The following MTMR3 variants were observed in gnomAD, a reference collection of about 807,000 sequenced individuals.
MTMR3 encodes phosphatidylinositol-3,5-bisphosphate 3-phosphatase MTMR3.
Under a neutral mutation model 132.4 loss-of-function variants are expected in MTMR3, and 32 were observed. The observed-to-expected ratio is 0.24, with a 90% CI of 0.18 to 0.32. MTMR3 has a LOEUF of 0.32. MTMR3 is among the 10% of genes least tolerant of loss of function. MTMR3 has a pLI of 1.00. For synonymous variants in MTMR3, 556 were observed against 550.3 expected, an observed-to-expected ratio of 1.01 and a Z score of -0.14; for missense variants, 1,216 against 1,489.6, an observed-to-expected ratio of 0.82 and a Z score of 3.02.
At chr22:30,012,608 A>T in intron 13 of MTMR3, 45 bp downstream of exon 13, 1 of 1,537,882 alleles carries the variant, frequency 6.5e-7, no homozygotes. Context: ...AGGATGAGCC[A>T]GGGAAACGTC....
At position 30,020,764 on chromosome 22, in the gene MTMR3, G is replaced by A. The variant is rs1269407989; in HGVS notation, c.3105G>A (p.Glu1035=). 3.1e-6 allele frequency: 5 copies of A among 1,614,110 alleles called. No homozygotes were observed. The African/African-American group carries it at 5.3e-5, about 17-fold the overall frequency. ...DTIQQRLRQI[E]SGHQQEVETL... Reference sequence around the variant, plus strand: ...TCCAACAGCGCCTGCGTCAGATTGAGTCAGGCCACCAGCAGGAAGTAGAAA... The same window carrying A: ...TCCAACAGCGCCTGCGTCAGATTGAATCAGGCCACCAGCAGGAAGTAGAAA... Residue 1035 remains glutamate (E), a synonymous_variant, in exon 17 of 20, where the codon GAG becomes GAA. Coordinates refer to ENST00000401950, the MANE Select transcript of MTMR3 (RefSeq NM_021090.4).
chr22:30,015,896 A>G (rs1335993659), intron 14 of MTMR3: 2 of 152,446 alleles, frequency 1.3e-5, no homozygotes, highest in Non-Finnish European at 1.5e-5. Flanking sequence ...AAGCCATTGC[A>G]CCTGTGGTTG....
At position 29,971,206 on chromosome 22, in the gene MTMR3, T is replaced by G. The variant is rs1446420663; in HGVS notation, c.3+144T>G. 1.5e-5 allele frequency: 12 copies of G among 777,930 alleles called. No individual in the cohort carries two copies. The East Asian group carries it at 3.2e-4, about 21-fold the overall frequency. The allele number at this position is 777,930 out of a possible 1,614,324, so 48.2% of individuals were successfully genotyped here. A position where few individuals can be genotyped will look rare whatever the true frequency, so the allele number is the denominator to read the frequency against. On this transcript the variant is annotated intron_variant, in intron 3 of 19. Coordinates refer to ENST00000401950, the MANE Select transcript of MTMR3 (RefSeq NM_021090.4). ...TTCTTTCCCAGATCTCTTGTGTCTTTTCTTTTCTTGTTTACTTAGTAGTAA... is the reference window on the plus strand; with the variant it reads ...TTCTTTCCCAGATCTCTTGTGTCTTGTCTTTTCTTGTTTACTTAGTAGTAA...
intron 1 of MTMR3, among the ~76,000 whole-genome samples, chr22:29,949,095 TAA>T (rs1380024938): frequency 2.1e-5 from 2 of 96,126 alleles, no homozygotes; most frequent in Non-Finnish European, 1.9e-5. Flanking sequence ...GGCCCTGTCT[TAA>T]AACACACACA....
intron 2 of MTMR3, among the ~76,000 whole-genome samples, chr22:29,963,123 A>AT (rs996283968): frequency 1.3e-5 from 2 of 151,052 alleles, no homozygotes; most frequent in African/African-American, 2.4e-5. Context: ...TTTTATTATT[A>AT]TTTTATAGAG....
At chr22:29,889,964 T>C (rs549356528) in intron 1 of MTMR3, among the ~76,000 whole-genome samples, 1 of 144,498 alleles carries the variant, frequency 6.9e-6, no homozygotes, top group South Asian at 2.2e-4. Flanking sequence ...TGGAGTGCGG[T>C]GGTGCGATCT....
chr22:29,905,463 A>G (rs1022615517), intron 1 of MTMR3, among the ~76,000 whole-genome samples: 5 of 152,242 alleles, frequency 3.3e-5, no homozygotes, highest in Admixed American at 6.5e-5. Context: ...AGTTGATACT[A>G]TGAAAATTTC....
At chr22:29,988,442 T>G (rs2066899170) in intron 5 of MTMR3, 38 bp from the exon 6 acceptor site, 5 of 1,524,150 alleles carry the variant, frequency 3.3e-6, no homozygotes, top group Non-Finnish European at 4.5e-6. Context: ...GGTCAATGCC[T>G]TTTTGACTAA....
In MTMR3 at chr22:29,887,763, CTGTG is replaced by C. The variant is rs144033752; in HGVS notation, c.-138+4406_-138+4409del. Among the ~76,000 whole-genome samples, 682 of 152,218 alleles carry C rather than the reference CTGTG, an allele frequency of 4.5e-3. 6 individuals carry two copies. The highest frequency in any genetic ancestry group is 0.016 in the African/African-American group (644 of 41,518). The stretch of plus-strand genomic sequence containing the variant: ...GCACATTCTGTGTAAAGTTCTAAGG[CTGTG>C]TTTTTAAGTAGCAGGTGGCAGTGTC... On this transcript the variant is annotated intron_variant, in intron 1 of 19. Coordinates refer to ENST00000401950, the MANE Select transcript of MTMR3 (RefSeq NM_021090.4).
chr22:29,957,528 T>C (rs979334147), intron 2 of MTMR3, among the ~76,000 whole-genome samples: 5 of 152,024 alleles, frequency 3.3e-5, no homozygotes, highest in Admixed American at 3.3e-4. Context: ...TATAGCTCAC[T>C]GCAGCCTTGA....
At chr22:30,011,769 TA>T (rs1402071730) in intron 12 of MTMR3, 1 of 152,456 alleles carries the variant, frequency 6.6e-6, no homozygotes, top group African/African-American at 2.4e-5. Context: ...TGTATCAGTA[TA>T]AATTATCAGA....
rs776885558 is a variant in MTMR3 at position 30,022,170 on chromosome 22, T to C, written c.3336+31T>C. 5 of 1,560,806 alleles carry C rather than the reference T, an allele frequency of 3.2e-6. No individual in the cohort carries two copies. The African/African-American group carries it at 5.4e-5, about 17-fold the overall frequency. On this transcript the variant is annotated intron_variant, in intron 18 of 19. Transcript: ENST00000401950. ...GGCTCAGCCCCTGCTCTGAGTGCCA[T>C]CAATTTAACTGTTTTGTGGTTCTTC... is the stretch of plus-strand genomic sequence containing the variant.
At position 29,883,209 on chromosome 22, in the gene MTMR3, T is replaced by C. The variant is rs2064587765; in HGVS notation, c.-288T>C. 6.5e-6 allele frequency: 1 copy of C among 152,688 alleles called. No individual in the cohort carries two copies. Among genetic ancestry groups the C allele is most frequent in the Non-Finnish European group, 1.5e-5 (1 of 68,368 alleles). The allele number at this position is 152,688 out of a possible 1,614,324, so 9.5% of individuals were successfully genotyped here. A position where few individuals can be genotyped will look rare whatever the true frequency, so the allele number is the denominator to read the frequency against. On this transcript the variant is annotated 5_prime_UTR_variant, in exon 1 of 20. Coordinates refer to ENST00000401950, the MANE Select transcript of MTMR3 (RefSeq NM_021090.4). ...GCCGCTGCCGCCATGTTGTTGTGGTTGTGAGAAGGCGGCGGCGGCGGCGGA... is the reference window on the plus strand; with the variant it reads ...GCCGCTGCCGCCATGTTGTTGTGGTCGTGAGAAGGCGGCGGCGGCGGCGGA...
intron 1 of MTMR3, among the ~76,000 whole-genome samples, chr22:29,895,426 C>T (rs771504756): frequency 5.3e-5 from 8 of 152,112 alleles, no homozygotes; most frequent in East Asian, 1.9e-4. Flanking sequence ...CTTTGAGATT[C>T]GATGAACTCT....
chr22:29,971,711 G>T (rs1307240212), intron 3 of MTMR3, among the ~76,000 whole-genome samples: 3 of 152,114 alleles, frequency 2.0e-5, no homozygotes, highest in Admixed American at 1.3e-4. Context: ...ACCAGAAAGA[G>T]AATTTAATGG....
intron 3 of MTMR3, among the ~76,000 whole-genome samples, chr22:29,976,120 GTTTTT>G (rs34984702): frequency 4.3e-4 from 61 of 141,968 alleles, no homozygotes; most frequent in Non-Finnish European, 7.5e-4. Flanking sequence ...TATAGTGTGT[GTTTTT>G]TTTTTTTTTT....
chr22:29,966,306 G>A (rs1040168772), intron 2 of MTMR3, among the ~76,000 whole-genome samples: 1 of 152,142 alleles, frequency 6.6e-6, no homozygotes, highest in African/African-American at 2.4e-5. Flanking sequence ...TATTTAGTAT[G>A]TGGTCAGATT....
In MTMR3 at chr22:30,025,823, A is replaced by C; in HGVS notation, c.*22A>C. On this transcript the variant is annotated 3_prime_UTR_variant, in exon 20 of 20. Coordinates refer to ENST00000401950, the MANE Select transcript of MTMR3 (RefSeq NM_021090.4). ...CTGAAGCTCAGTGACCTGGGTGGGC[A>C]GTGGCCAAGCTGCTGTTCCTATGAC... The C allele has an allele frequency of 9.3e-6, 15 of 1,613,014 alleles. No homozygotes were observed. The highest frequency in any genetic ancestry group is 1.3e-5 in the Non-Finnish European group (15 of 1,179,742).
At chr22:29,889,553 G>T (rs1215083635) in intron 1 of MTMR3, among the ~76,000 whole-genome samples, 1 of 151,764 alleles carries the variant, frequency 6.6e-6, no homozygotes, top group Non-Finnish European at 1.5e-5. Context: ...TCCCAAAGTG[G>T]TGGGATTACA....
Sources: allele counts gnomAD v4.1 joint callset (sites outside exome capture counted in the v4.1 genomes callset), GRCh38; gene constraint gnomAD v4.1.1; transcripts MANE v1.5; gene names NCBI Gene and HGNC (gene_info 2026-07-23, HGNC 2026-07-21).